PHACTR1: variants seen among roughly 807,000 people sequenced by gnomAD.
PHACTR1 encodes the protein RPEL repeat containing 1.
In PHACTR1, 16 loss-of-function variants were observed where a neutral mutation model predicts 69.2. The observed-to-expected ratio is 0.23, with a 90% CI of 0.16 to 0.35. The LOEUF is 0.35. PHACTR1 is among the 10% of genes least tolerant of loss of function. The pLI, the probability that PHACTR1 is intolerant of heterozygous loss-of-function variation, is 1.00. For synonymous variants in PHACTR1, 312 were observed against 284.5 expected (o/e 1.10, Z -0.97); for missense variants, 510 against 734.7 (o/e 0.69, Z 3.54).
At chr6:12,912,093 G>T (rs937030420) in intron 4 of PHACTR1, among the ~76,000 whole-genome samples, 1 of 152,138 alleles carries the variant, frequency 6.6e-6, no homozygotes, top group Non-Finnish European at 1.5e-5. Flanking sequence ...CGCCTCCCAG[G>T]TTCAAGTGAT....
intron 4 of PHACTR1, among the ~76,000 whole-genome samples, chr6:12,789,349 T>C (rs1192335758): frequency 6.6e-6 from 1 of 152,156 alleles, no homozygotes; most frequent in Non-Finnish European, 1.5e-5. Context: ...CGATTACTTA[T>C]TCCAAGTCCC....
intron 4 of PHACTR1, among the ~76,000 whole-genome samples, chr6:12,996,494 A>G (rs953116523): frequency 6.6e-6 from 1 of 152,156 alleles, no homozygotes; most frequent in African/African-American, 2.4e-5. Flanking sequence ...ACTATAAACT[A>G]CCAATATTGA....
chr6:12,895,177 CTTTTTTTTTTT>C (rs139510433), intron 4 of PHACTR1, among the ~76,000 whole-genome samples: 2 of 88,294 alleles, frequency 2.3e-5, no homozygotes, highest in Non-Finnish European at 2.3e-5. Context: ...TTTCTTTTTT[CTTTTTTTTTTT>C]TTTTTTTTTT....
At position 13,206,100 on chromosome 6, in the gene PHACTR1, A is replaced by G. The variant is rs748367168; in HGVS notation, c.950A>G (p.Asn317Ser). 3.1e-6 allele frequency: 5 copies of G among 1,611,146 alleles called. No individual in the cohort carries two copies. Among genetic ancestry groups the G allele is most frequent in the South Asian group, 2.2e-5 (2 of 90,682 alleles). Residue 317 changes from asparagine (N) to serine (S), a missense_variant, in exon 8 of 15, where the codon AAC becomes AGC. Asn to Ser is a conservative substitution (Grantham distance 46). Coordinates refer to ENST00000332995, the MANE Select transcript of PHACTR1 (RefSeq NM_030948.6). ...PSGCRMIDEL[N>S]KTLAMTMQRL... is the part of the protein sequence containing the mutation. ...GGCTGCAGAATGATAGACGAGCTCAACAAAACGCTGGCCATGACCATGCAG... is the reference window on the plus strand; with the variant it reads ...GGCTGCAGAATGATAGACGAGCTCAGCAAAACGCTGGCCATGACCATGCAG...
At chr6:13,116,676 TG>T (rs1817872157) in intron 5 of PHACTR1, among the ~76,000 whole-genome samples, 1 of 152,230 alleles carries the variant, frequency 6.6e-6, no homozygotes, top group African/African-American at 2.4e-5. Context: ...TATACTTTTT[TG>T]TAAGTGTGTA....
chr6:12,953,407 T>C (rs1232763089), intron 4 of PHACTR1, among the ~76,000 whole-genome samples: 1 of 152,178 alleles, frequency 6.6e-6, no homozygotes. Context: ...TTTTCTATTT[T>C]CCCAGCCCAC....
chr6:12,872,589 G>T (rs1193359251), intron 4 of PHACTR1, among the ~76,000 whole-genome samples: 1 of 152,172 alleles, frequency 6.6e-6, no homozygotes, highest in Non-Finnish European at 1.5e-5. Context: ...GATATACGAT[G>T]TGACTATTTA....
At chr6:12,958,963 G>A (rs1792264288) in intron 4 of PHACTR1, among the ~76,000 whole-genome samples, 1 of 152,090 alleles carries the variant, frequency 6.6e-6, no homozygotes. Context: ...GATCACTTGA[G>A]GTCAGGAGTT....
At chr6:12,758,950 C>G (rs1458850385) in intron 4 of PHACTR1, among the ~76,000 whole-genome samples, 1 of 151,822 alleles carries the variant, frequency 6.6e-6, no homozygotes, top group Non-Finnish European at 1.5e-5. Flanking sequence ...TGGTGAAACC[C>G]TGTCTCTACT....
chr6:13,039,157 C>G (rs955836985), intron 4 of PHACTR1, among the ~76,000 whole-genome samples: 2 of 152,154 alleles, frequency 1.3e-5, no homozygotes, highest in African/African-American at 4.8e-5. Flanking sequence ...TGTCAATTTG[C>G]TCTTTTGTAA....
At chr6:12,751,728 T>C (rs1253648640) in intron 4 of PHACTR1, among the ~76,000 whole-genome samples, 1 of 152,224 alleles carries the variant, frequency 6.6e-6, no homozygotes, top group Admixed American at 6.5e-5. Flanking sequence ...ATGTTTCATC[T>C]GGAAATAAAT....
At chr6:12,725,806 C>T (rs775273478) in intron 3 of PHACTR1, among the ~76,000 whole-genome samples, 2 of 152,142 alleles carry the variant, frequency 1.3e-5, no homozygotes, top group Non-Finnish European at 2.9e-5. Context: ...AGTAGAAGCA[C>T]TAACATTTAT....
chr6:13,260,185 G>T (rs372507065), intron 10 of PHACTR1, among the ~76,000 whole-genome samples: 2 of 152,108 alleles, frequency 1.3e-5, no homozygotes, highest in African/African-American at 4.8e-5. Context: ...AGCATTCATC[G>T]TCCAACTGAG....
At chr6:12,758,352 G>C (rs146846914) in intron 4 of PHACTR1, among the ~76,000 whole-genome samples, 44 of 150,622 alleles carry the variant, frequency 2.9e-4, no homozygotes, top group Admixed American at 2.2e-3. Context: ...TGAGGCAGGA[G>C]AATTGCTTGA....
intron 3 of PHACTR1, among the ~76,000 whole-genome samples, chr6:12,719,409 T>C (rs183245784): frequency 5.8e-4 from 89 of 152,364 alleles, no homozygotes; most frequent in Middle Eastern, 3.4e-3. Context: ...GTCAGTTAGG[T>C]TCCAGTTTTC....
chr6:13,168,160 GAA>G (rs1352931796), intron 6 of PHACTR1, among the ~76,000 whole-genome samples: 6 of 152,318 alleles, frequency 3.9e-5, no homozygotes, highest in African/African-American at 1.2e-4. Flanking sequence ...ATGTGAAAAT[GAA>G]AAGAGTGTTT....
intron 4 of PHACTR1, among the ~76,000 whole-genome samples, chr6:13,006,504 CA>C (rs892403876): frequency 1.3e-5 from 2 of 151,782 alleles, no homozygotes; most frequent in Non-Finnish European, 2.9e-5. Flanking sequence ...TTGTGAAGTA[CA>C]AAAAATGGAA....
At chr6:13,280,932 C>T (rs1424157025) in intron 12 of PHACTR1, 2 of 1,287,324 alleles carry the variant, frequency 1.6e-6, no homozygotes, top group Non-Finnish European at 2.0e-6. Context: ...AGCCCATGCA[C>T]ACAGAGGAGC....
rs374240272 is a variant in PHACTR1 at position 13,173,204 on chromosome 6, T to C, written c.497-9315T>C. On this transcript the variant is annotated intron_variant, in intron 6 of 14. Transcript: ENST00000332995. ...ATGTATTTGGTTGGTACAAATGTAATTGCAGCTTTAATGAAAAGTAATGAC... is the reference window on the plus strand; with the variant it reads ...ATGTATTTGGTTGGTACAAATGTAACTGCAGCTTTAATGAAAAGTAATGAC... Among the ~76,000 whole-genome samples the C allele has an allele frequency of 3.9e-5, 6 of 152,224 alleles. No individual in the cohort carries two copies. The East Asian group carries it at 1.2e-3, about 29-fold the overall frequency.
Sources: gnomAD v4.1 joint callset for allele counts (sites outside exome capture counted in the v4.1 genomes callset) on GRCh38, gnomAD v4.1.1 for gene constraint, MANE v1.5 for transcripts, NCBI Gene and HGNC (gene_info 2026-07-23, HGNC 2026-07-21) for gene names.